The following CAST variants were observed in gnomAD, a reference collection of about 807,000 sequenced individuals.
CAST encodes MIR583 host.
CAST carries 76 observed loss-of-function variants against 119.6 expected under a neutral mutation model. The ratio of observed to expected loss-of-function variants is 0.64; its 90% CI spans 0.53 to 0.77. CAST has a LOEUF of 0.77. CAST is among the 30% of genes least tolerant of loss of function. CAST has a pLI of 0.00. For missense variants in CAST, 953 were observed against 946.5 expected (o/e 1.01, Z -0.09); for synonymous variants, 319 against 331.6 (o/e 0.96, Z 0.41).
chr5:95,989,406 T>TC, the CAST span, among the ~76,000 whole-genome samples: 1 of 152,154 alleles, frequency 6.6e-6, no homozygotes, highest in Non-Finnish European at 1.5e-5. Flanking sequence ...AAGGACCAGC[T>TC]CCCCAGTGAG....
the CAST span, among the ~76,000 whole-genome samples, chr5:96,153,161 G>A: frequency 7.2e-5 from 11 of 152,196 alleles, no homozygotes; most frequent in African/African-American, 2.6e-4. Context: ...TTCCTTGGCA[G>A]CATATTAGAG....
chr5:96,499,491 T>C, the CAST span, among the ~76,000 whole-genome samples: 1 of 152,268 alleles, frequency 6.6e-6, no homozygotes, highest in African/African-American at 2.4e-5. Context: ...CTGTGAGTTG[T>C]AATCTTTTTG....
the CAST span, among the ~76,000 whole-genome samples, chr5:96,066,981 G>A: frequency 6.6e-6 from 1 of 152,096 alleles, no homozygotes; most frequent in Non-Finnish European, 1.5e-5. Flanking sequence ...TATTTCTTAA[G>A]TGATTCATAT....
chr5:96,673,750 A>G (rs569804135), intron 1 of CAST, among the ~76,000 whole-genome samples: 9 of 152,352 alleles, frequency 5.9e-5, no homozygotes, highest in African/African-American at 1.2e-4. Flanking sequence ...AATATTTATC[A>G]ATTGCCATAT....
chr5:96,507,287 C>T, the CAST span, among the ~76,000 whole-genome samples: 4 of 152,174 alleles, frequency 2.6e-5, no homozygotes, highest in African/African-American at 9.7e-5. Flanking sequence ...ATCAGGCTGC[C>T]ATGCTTGAGG....
chr5:96,479,453 A>T, the CAST span, among the ~76,000 whole-genome samples: 76,258 of 121,776 alleles, frequency 0.63, 21,479 homozygotes, highest in African/African-American at 0.75. Context: ...GGCACTCCTT[A>T]TTTTTTTTTT....
chr5:96,539,103 A>G (rs531699147), intron 1 of CAST, among the ~76,000 whole-genome samples: 1 of 152,358 alleles, frequency 6.6e-6, no homozygotes, highest in African/African-American at 2.4e-5. Context: ...AAAAGTATGT[A>G]TGAAGACAAT....
the CAST span, among the ~76,000 whole-genome samples, chr5:96,256,463 G>A: frequency 6.6e-6 from 1 of 150,628 alleles, no homozygotes; most frequent in Non-Finnish European, 1.5e-5. Flanking sequence ...TTTTGTCATT[G>A]TGCTAACATC....
chr5:96,022,015 G>A, the CAST span, among the ~76,000 whole-genome samples: 2,847 of 152,242 alleles, frequency 0.019, 72 homozygotes, highest in African/African-American at 0.064. Context: ...TCTTTCCATT[G>A]TTATGAATAG....
At chr5:95,972,375 G>T in the CAST span, among the ~76,000 whole-genome samples, 3 of 151,688 alleles carry the variant, frequency 2.0e-5, no homozygotes, top group South Asian at 2.1e-4. Flanking sequence ...GTTTTTCTGT[G>T]TACTTGTCAG....
chr5:96,322,894 A>G, the CAST span, among the ~76,000 whole-genome samples: 1 of 152,068 alleles, frequency 6.6e-6, no homozygotes, highest in Non-Finnish European at 1.5e-5. Context: ...TCACCCTTAC[A>G]TTGCATTCTC....
the CAST span, among the ~76,000 whole-genome samples, chr5:96,356,419 C>G: frequency 9.7e-3 from 1,478 of 152,264 alleles, 31 homozygotes; most frequent in African/African-American, 0.034. Context: ...ATGCCTGTGT[C>G]CTTAATGGTA....
chr5:96,240,264 C>A, the CAST span, among the ~76,000 whole-genome samples: 1 of 152,142 alleles, frequency 6.6e-6, no homozygotes, highest in African/African-American at 2.4e-5. Context: ...AGCTTTACTA[C>A]AGCTGGATTT....
At chr5:96,529,431 A>G (rs1020329491), upstream of CAST, among the ~76,000 whole-genome samples, 1 of 151,260 alleles carries the variant, frequency 6.6e-6, no homozygotes, top group African/African-American at 2.4e-5. Flanking sequence ...TATAATTGAT[A>G]GATAAAAATT....
the CAST span, among the ~76,000 whole-genome samples, chr5:96,033,494 C>T: frequency 6.6e-6 from 1 of 151,990 alleles, no homozygotes; most frequent in Non-Finnish European, 1.5e-5. Context: ...CAAGTAAATC[C>T]ACACATATAC....
At chr5:96,369,841 C>G in the CAST span, among the ~76,000 whole-genome samples, 921 of 152,172 alleles carry the variant, frequency 6.1e-3, 18 homozygotes, top group African/African-American at 0.021. Context: ...ATTTTCATCT[C>G]TTAGTCTATT....
At chr5:96,501,995 C>T in the CAST span, among the ~76,000 whole-genome samples, 3 of 152,212 alleles carry the variant, frequency 2.0e-5, no homozygotes, top group Non-Finnish European at 4.4e-5. Context: ...TCTAACAACA[C>T]ATTTCCCAGA....
At chr5:96,579,398 A>T (rs1031972223) in intron 1 of CAST, among the ~76,000 whole-genome samples, 3 of 152,200 alleles carry the variant, frequency 2.0e-5, no homozygotes, top group Non-Finnish European at 4.4e-5. Context: ...CACCTGGCAG[A>T]AAAGGGGAGT....
At chr5:96,060,325 A>C in the CAST span, among the ~76,000 whole-genome samples, 1 of 152,158 alleles carries the variant, frequency 6.6e-6, no homozygotes, top group African/African-American at 2.4e-5. Context: ...GACTGGATGA[A>C]CAATAAATGG....
Sources: allele counts gnomAD v4.1 joint callset (sites outside exome capture counted in the v4.1 genomes callset), GRCh38; gene constraint gnomAD v4.1.1; transcripts MANE v1.5; gene names NCBI Gene and HGNC (gene_info 2026-07-23, HGNC 2026-07-21).